Variants in QTMAN observed in about 807,000 individuals in gnomAD.
QTMAN encodes queuosine-tRNA mannosyltransferase, also known as tRNA-queuosine alpha-mannosyltransferase.
the QTMAN span, chr2:144,208,571 A>T: frequency 6.3e-6 from 10 of 1,590,950 alleles, 1 homozygote; most frequent in South Asian, 7.9e-5. Context: ...CTTTTTAAAA[A>T]ACGCTGAAAA....
the QTMAN span, among the ~76,000 whole-genome samples, chr2:144,072,580 A>G: frequency 6.6e-6 from 1 of 152,228 alleles, no homozygotes; most frequent in Non-Finnish European, 1.5e-5. Flanking sequence ...CAGGCAGGGC[A>G]GCAAGAAGCA....
chr2:144,135,080 T>A, the QTMAN span, among the ~76,000 whole-genome samples: 1 of 152,194 alleles, frequency 6.6e-6, no homozygotes, highest in African/African-American at 2.4e-5. Context: ...CATGACTCCC[T>A]CATGGAATTC....
the QTMAN span, chr2:144,208,861 TAATAAA>T: frequency 1.6e-5 from 15 of 964,852 alleles, no homozygotes; most frequent in African/African-American, 1.2e-4. Context: ...ATAAAATTTT[TAATAAA>T]AATAAGTTCA....
chr2:144,101,714 G>T, the QTMAN span, among the ~76,000 whole-genome samples: 3 of 151,782 alleles, frequency 2.0e-5, no homozygotes, highest in African/African-American at 7.3e-5. Flanking sequence ...ATCAATAAAT[G>T]TTATATATAT....
At chr2:144,022,896 A>G in the QTMAN span, among the ~76,000 whole-genome samples, 4 of 152,148 alleles carry the variant, frequency 2.6e-5, no homozygotes, top group Non-Finnish European at 4.4e-5. Context: ...TGTAATACTT[A>G]GCATGTCCAC....
the QTMAN span, among the ~76,000 whole-genome samples, chr2:144,025,642 G>A: frequency 7.0e-4 from 107 of 152,146 alleles, no homozygotes; most frequent in Non-Finnish European, 1.1e-3. Context: ...ACCCAGATAC[G>A]GTCTTATCCA....
the QTMAN span, among the ~76,000 whole-genome samples, chr2:144,330,231 CCTTT>C: frequency 3.3e-5 from 5 of 152,060 alleles, no homozygotes; most frequent in African/African-American, 1.2e-4. Flanking sequence ...TTTACTGTAC[CCTTT>C]CTAAGTTTAG....
the QTMAN span, among the ~76,000 whole-genome samples, chr2:143,973,788 C>CA: frequency 0.01 from 896 of 89,092 alleles, 4 homozygotes; most frequent in Middle Eastern, 0.032. Context: ...AACTCCGTCT[C>CA]AAAAAAAAAA....
the QTMAN span, among the ~76,000 whole-genome samples, chr2:144,262,333 A>G: frequency 1.3e-5 from 2 of 152,076 alleles, no homozygotes; most frequent in East Asian, 1.9e-4. Context: ...GGCTGTAACA[A>G]TGAAGCACAA....
chr2:144,020,784 C>G, the QTMAN span, among the ~76,000 whole-genome samples: 2 of 151,108 alleles, frequency 1.3e-5, no homozygotes, highest in African/African-American at 4.9e-5. Context: ...CAGGAAAAAA[C>G]TTAAAAAAAA....
At chr2:144,028,894 A>C in the QTMAN span, among the ~76,000 whole-genome samples, 1 of 152,166 alleles carries the variant, frequency 6.6e-6, no homozygotes, top group African/African-American at 2.4e-5. Context: ...CCTCTCACTA[A>C]AGTGGTCACA....
the QTMAN span, among the ~76,000 whole-genome samples, chr2:144,084,173 G>A: frequency 1.3e-5 from 2 of 152,146 alleles, no homozygotes; most frequent in South Asian, 4.1e-4. Flanking sequence ...AGTATTCTTT[G>A]ATCTTCTAAC....
chr2:144,214,272 C>A, the QTMAN span, among the ~76,000 whole-genome samples: 1 of 152,006 alleles, frequency 6.6e-6, no homozygotes, highest in African/African-American at 2.4e-5. Context: ...TTTTTAAATT[C>A]TTCTATAAAA....
the QTMAN span, among the ~76,000 whole-genome samples, chr2:144,284,329 GA>G: frequency 6.6e-6 from 1 of 151,718 alleles, no homozygotes; most frequent in African/African-American, 2.4e-5. Flanking sequence ...ATGTCTAGCA[GA>G]AAAAAATCAT....
chr2:144,248,487 C>T, the QTMAN span, among the ~76,000 whole-genome samples: 1 of 152,162 alleles, frequency 6.6e-6, no homozygotes, highest in Non-Finnish European at 1.5e-5. Context: ...AATAGCGTCA[C>T]CTAATGATGG....
the QTMAN span, among the ~76,000 whole-genome samples, chr2:144,232,445 A>G: frequency 6.6e-6 from 1 of 152,224 alleles, no homozygotes; most frequent in Admixed American, 6.5e-5. Context: ...ATGGCATATA[A>G]AAATGTTTCA....
the QTMAN span, among the ~76,000 whole-genome samples, chr2:144,239,047 A>G: frequency 6.6e-6 from 1 of 152,054 alleles, no homozygotes; most frequent in African/African-American, 2.4e-5. Flanking sequence ...CACCAGAGAC[A>G]TACAACAAAT....
the QTMAN span, among the ~76,000 whole-genome samples, chr2:144,316,422 T>C: frequency 6.6e-6 from 1 of 152,192 alleles, no homozygotes; most frequent in African/African-American, 2.4e-5. Flanking sequence ...AAATGTTTGG[T>C]AGTCAGCTTT....
At chr2:144,025,220 G>A in the QTMAN span, among the ~76,000 whole-genome samples, 14 of 152,216 alleles carry the variant, frequency 9.2e-5, no homozygotes, top group East Asian at 1.5e-3. Flanking sequence ...CCAGGAGAGG[G>A]GCTGGCATCT....
Sources: allele counts gnomAD v4.1 joint callset (sites outside exome capture counted in the v4.1 genomes callset), GRCh38; gene constraint gnomAD v4.1.1; transcripts MANE v1.5; gene names NCBI Gene and HGNC (gene_info 2026-07-23, HGNC 2026-07-21).